WDR20: variants seen among roughly 807,000 people sequenced by gnomAD.
The protein encoded by WDR20 is WD repeat domain 20, also known as WD repeat-containing protein 20.
A neutral mutation model predicts 38.7 loss-of-function variants in WDR20; 3 were observed. That is an observed-to-expected ratio of 0.08 (90% CI 0.04 to 0.20). The LOEUF (loss-of-function observed/expected upper bound fraction) is 0.20. Ranked by LOEUF, WDR20 falls within the 10% of genes least tolerant of loss-of-function variation. WDR20 has a pLI of 1.00. For missense variants in WDR20, 559 were observed against 727.7 expected, an observed-to-expected ratio of 0.77 and a Z score of 2.67; for synonymous variants, 298 against 285.6, an observed-to-expected ratio of 1.04 and a Z score of -0.44.
At chr14:102,213,758 G>A (rs185646285), downstream of WDR20, 845 of 985,384 alleles carry the variant, frequency 8.6e-4, 1 homozygote, top group Non-Finnish European at 9.7e-4. Flanking sequence ...TGCATACAAG[G>A]TCCTCATCAC....
chr14:102,139,632 C>G (rs2050207454), upstream of WDR20: 3 of 644,366 alleles, frequency 4.7e-6, no homozygotes, highest in South Asian at 4.0e-5. Context: ...CTAGACCCCA[C>G]TAGCTGAAGC....
At position 102,202,996 on chromosome 14, in the gene WDR20, A is replaced by G. The variant is rs1048428318; in HGVS notation, c.433-5607A>G. ...CCGCTTTCCATCTTGCCCTCCACCCAGCCACATTCTGCCACGCTGCCCATG... is the reference window on the plus strand; with the variant it reads ...CCGCTTTCCATCTTGCCCTCCACCCGGCCACATTCTGCCACGCTGCCCATG... On this transcript the variant is annotated intron_variant, in intron 2 of 2. Coordinates refer to ENST00000342702, the MANE Select transcript of WDR20 (RefSeq NM_144574.4). 2.0e-5 allele frequency among the ~76,000 whole-genome samples: 3 copies of G among 152,162 alleles called. No homozygotes were observed. In the East Asian group the frequency reaches 5.8e-4, roughly 29 times the overall value.
At chr14:102,211,585 T>G (rs2062540236), downstream of WDR20, among the ~76,000 whole-genome samples, 1 of 152,210 alleles carries the variant, frequency 6.6e-6, no homozygotes, top group East Asian at 1.9e-4. The surrounding 1 kb of genome is among the most constrained non-coding windows in gnomAD (Gnocchi z 4.2). Flanking sequence ...CCCTGAGCAC[T>G]GCTCCTAGGA....
intron 2 of WDR20, among the ~76,000 whole-genome samples, chr14:102,199,752 C>G (rs1489136030): frequency 6.6e-6 from 1 of 152,138 alleles, no homozygotes; most frequent in African/African-American, 2.4e-5. Flanking sequence ...CAGAAATCCA[C>G]CTGAGATAAA....
intron 1 of WDR20, among the ~76,000 whole-genome samples, chr14:102,182,782 CT>C (rs2063668963): frequency 6.6e-6 from 1 of 151,834 alleles, no homozygotes; most frequent in Admixed American, 6.6e-5. Flanking sequence ...ATGGTAGACA[CT>C]TTTAATATTT....
intron 1 of WDR20, among the ~76,000 whole-genome samples, chr14:102,182,991 G>A (rs1301738062): frequency 6.6e-6 from 1 of 152,022 alleles, no homozygotes; most frequent in Non-Finnish European, 1.5e-5. Flanking sequence ...ATGAACCCAG[G>A]AGGTGGAGGT....
intron 1 of WDR20, among the ~76,000 whole-genome samples, chr14:102,169,022 G>A (rs2060312482): frequency 6.6e-6 from 1 of 152,158 alleles, no homozygotes; most frequent in Admixed American, 6.5e-5. Flanking sequence ...AATAAGATCT[G>A]AATTGCTTTT....
At chr14:102,200,467 TTGTGTGTGTG>T (rs71395660) in intron 2 of WDR20, among the ~76,000 whole-genome samples, 7 of 117,774 alleles carry the variant, frequency 5.9e-5, no homozygotes, top group South Asian at 3.2e-4. Context: ...ATTTTTTTTT[TTGTGTGTGTG>T]TGTGTGTGTG....
intron 1 of WDR20, among the ~76,000 whole-genome samples, chr14:102,190,519 G>A (rs920208680): frequency 2.0e-5 from 3 of 152,106 alleles, no homozygotes; most frequent in Admixed American, 6.5e-5. Flanking sequence ...CTTGAACCCG[G>A]GAGGCAGAGG....
At chr14:102,163,437 G>A (rs966674153) in intron 1 of WDR20, among the ~76,000 whole-genome samples, 4 of 152,014 alleles carry the variant, frequency 2.6e-5, no homozygotes, top group African/African-American at 9.7e-5. Context: ...AGACCAGCCT[G>A]GCCAACATGG....
intron 2 of WDR20, among the ~76,000 whole-genome samples, chr14:102,206,153 A>AC (rs1468499342): frequency 3.3e-5 from 5 of 152,152 alleles, no homozygotes; most frequent in Non-Finnish European, 7.4e-5. Context: ...TGCCCAGCTA[A>AC]TTTTTGTATT....
downstream of WDR20, chr14:102,224,648 G>C (rs1311064878): frequency 1.1e-5 from 5 of 455,898 alleles, no homozygotes; most frequent in African/African-American, 1.0e-4. Flanking sequence ...TATGAATGCA[G>C]CCACGGAAAA....
chr14:102,177,529 A>G (rs1053734625), intron 1 of WDR20, among the ~76,000 whole-genome samples: 3 of 151,976 alleles, frequency 2.0e-5, no homozygotes, highest in Non-Finnish European at 4.4e-5. Flanking sequence ...GTTTTTGAGT[A>G]TTTTCTCAAA....
At chr14:102,169,886 T>C (rs2060478585) in intron 1 of WDR20, among the ~76,000 whole-genome samples, 1 of 152,166 alleles carries the variant, frequency 6.6e-6, no homozygotes, top group South Asian at 2.1e-4. Context: ...TGACGTCTCA[T>C]AGGCCTATTT....
intron 2 of WDR20, among the ~76,000 whole-genome samples, chr14:102,195,385 A>G (rs1387098223): frequency 1.3e-5 from 2 of 152,234 alleles, no homozygotes; most frequent in Non-Finnish European, 2.9e-5. Context: ...TAATGGAGAT[A>G]GGGACAGTAC....
downstream of WDR20, among the ~76,000 whole-genome samples, chr14:102,217,920 G>A (rs114051208): frequency 4.6e-3 from 698 of 152,364 alleles, 6 homozygotes; most frequent in African/African-American, 0.016. Flanking sequence ...GATTCTGCCA[G>A]GAGCACCTGC....
chr14:102,201,452 T>C (rs1466672134), intron 2 of WDR20, among the ~76,000 whole-genome samples: 2 of 152,260 alleles, frequency 1.3e-5, no homozygotes, highest in African/African-American at 2.4e-5. Context: ...GATGTGGTTA[T>C]AGACTTATTT....
intron 1 of WDR20, among the ~76,000 whole-genome samples, chr14:102,147,647 C>T (rs1329211271): frequency 6.6e-6 from 1 of 151,874 alleles, no homozygotes; most frequent in Non-Finnish European, 1.5e-5. Context: ...CAAACTTGAG[C>T]TTGAGCAAGC....
intron 1 of WDR20, among the ~76,000 whole-genome samples, chr14:102,168,482 T>C (rs1405049315): frequency 6.6e-6 from 1 of 152,196 alleles, no homozygotes; most frequent in Admixed American, 6.5e-5. Flanking sequence ...CCGAGTATTA[T>C]GCCTGGCACG....
Sources: gnomAD v4.1 joint callset for allele counts (sites outside exome capture counted in the v4.1 genomes callset) on GRCh38, gnomAD v4.1.1 for gene constraint, Gnocchi (gnomAD v3.1) non-coding constraint, MANE v1.5 for transcripts, NCBI Gene and HGNC (gene_info 2026-07-23, HGNC 2026-07-21) for gene names.